The following RAB27B variants were observed in gnomAD, a reference collection of about 807,000 sequenced individuals.
RAB27B encodes the protein ras-related protein Rab-27B.
In RAB27B, 15 loss-of-function variants were observed where a neutral mutation model predicts 24.6. The ratio of observed to expected loss-of-function variants is 0.61; its 90% CI spans 0.41 to 0.94. RAB27B has a LOEUF of 0.94. RAB27B is among the 40% of genes least tolerant of loss of function. The probability of loss-of-function intolerance (pLI) is 0.00; values close to 1 mark genes in which losing one functional copy is unlikely to be tolerated. For synonymous variants in RAB27B, 105 were observed against 92.5 expected (o/e 1.14, Z -0.78); for missense variants, 261 against 266.8 (o/e 0.98, Z 0.15).
chr18:54,877,620 T>G lies in RAB27B; in HGVS notation c.35T>G (p.Leu12Arg). The change falls in exon 2 of 6, where the codon CTC (leucine) becomes CGC (arginine). Residue 12 changes from leucine to arginine, a missense_variant. Transcript: ENST00000262094. ...TDGDYDYLIK[L>R]LALGDSGVGK... is the part of the protein sequence containing the mutation. The stretch of plus-strand genomic sequence containing the variant: ...GGAGACTATGATTATCTGATCAAAC[T>G]CCTGGCCCTCGGGGATTCAGGGGTG... 1.3e-6 allele frequency: 2 copies of G among 1,590,806 alleles called. No homozygotes were observed. Among genetic ancestry groups the G allele is most frequent in the Non-Finnish European group, 1.7e-6 (2 of 1,173,242 alleles).
Position 54,845,421 on chromosome 18 carries a change from A to AAAAG in RAB27B, c.-20+16724_-20+16725insGAAA, listed in dbSNP as rs1394414655. On this transcript the variant is annotated intron_variant, in intron 1 of 5. Coordinates refer to ENST00000262094, the MANE Select transcript of RAB27B (RefSeq NM_004163.4). ...ACTCCATCTCAAAAAAAAAAAAAATAAAATAAAATCTATTTAGGAAGAAAA... is the reference window on the plus strand; with the variant it reads ...ACTCCATCTCAAAAAAAAAAAAAATAAAAGAAATAAAATCTATTTAGGAAGAAAA... Among the ~76,000 whole-genome samples the AAAAG allele has an allele frequency of 4.1e-4, 58 of 141,994 alleles. 5 individuals carry two copies. Among genetic ancestry groups the AAAAG allele is most frequent in the Admixed American group, 3.6e-4 (5 of 13,898 alleles). 93.2% of individuals were successfully genotyped at this position (141,994 alleles called of 152,430 possible).
intron 2 of RAB27B, among the ~76,000 whole-genome samples, chr18:54,790,221 C>G (rs1909206624): frequency 6.6e-6 from 1 of 151,960 alleles, no homozygotes; most frequent in African/African-American, 2.4e-5. Context: ...CTATATCAAA[C>G]TACGTGTGAG....
At chr18:54,799,614 A>ATTTTTTTTTTTT (rs869256244) in intron 2 of RAB27B, among the ~76,000 whole-genome samples, 1 of 67,526 alleles carries the variant, frequency 1.5e-5, no homozygotes, top group Non-Finnish European at 2.6e-5. Flanking sequence ...TAATAAAATG[A>ATTTTTTTTTTTT]TTTTTTTTTT....
At chr18:54,770,877 C>T (rs1353289663) in intron 2 of RAB27B, among the ~76,000 whole-genome samples, 1 of 152,038 alleles carries the variant, frequency 6.6e-6, no homozygotes, top group Non-Finnish European at 1.5e-5. Flanking sequence ...TCATTTGATT[C>T]AATTCAAAAA....
rs75590667 is a variant in RAB27B, at chr18:54,777,429, G to A, written c.-20+59288G>A. On this transcript the variant is annotated intron_variant, in intron 2 of 4. Coordinates refer to the RAB27B transcript ENST00000586570. ...GATCCTTAGAGGGTTAGAAATGGGT[G>A]CAGTATTTCTGCAGCCCAGTGTGCA... Among the ~76,000 whole-genome samples the A allele has an allele frequency of 5.9e-5, 9 of 152,334 alleles. No homozygotes were observed. In the East Asian group the frequency reaches 1.5e-3, roughly 26 times the overall value.
intron 2 of RAB27B, among the ~76,000 whole-genome samples, chr18:54,806,997 C>T (rs558991171): frequency 1.3e-5 from 2 of 152,224 alleles, no homozygotes; most frequent in African/African-American, 2.4e-5. Context: ...ACCAGGAGAA[C>T]TCAAGAGGTT....
chr18:54,722,696 G>A (rs1397105723), intron 2 of RAB27B, among the ~76,000 whole-genome samples: 1 of 152,136 alleles, frequency 6.6e-6, no homozygotes, highest in Non-Finnish European at 1.5e-5. Context: ...CATCTCATAG[G>A]CGTGCAGCCA....
chr18:54,828,310 C>T (rs1044212485), upstream of RAB27B: 2 of 152,248 alleles, frequency 1.3e-5, no homozygotes, highest in African/African-American at 4.8e-5. Context: ...ACTTCATCCC[C>T]GAGAGGAGTG....
At chr18:54,839,554 G>C (rs1911027819) in intron 1 of RAB27B, among the ~76,000 whole-genome samples, 1 of 152,152 alleles carries the variant, frequency 6.6e-6, no homozygotes, top group Admixed American at 6.5e-5. Context: ...CAACAGTTAG[G>C]TCTTCTCCAA....
At chr18:54,778,125 A>G (rs1003896136) in intron 2 of RAB27B, among the ~76,000 whole-genome samples, 1 of 152,214 alleles carries the variant, frequency 6.6e-6, no homozygotes, top group Non-Finnish European at 1.5e-5. Context: ...CTTCTTACCA[A>G]TAAGTCATGT....
intron 2 of RAB27B, among the ~76,000 whole-genome samples, chr18:54,751,492 C>T (rs546459770): frequency 3.3e-5 from 5 of 152,012 alleles, no homozygotes; most frequent in South Asian, 2.1e-4. Flanking sequence ...ATGTAGGAGT[C>T]GGCATATGAG....
At chr18:54,866,577 C>T (rs955437469) in intron 1 of RAB27B, among the ~76,000 whole-genome samples, 7 of 152,236 alleles carry the variant, frequency 4.6e-5, no homozygotes, top group African/African-American at 1.7e-4. Context: ...GGATTACTGG[C>T]GTGACCCACT....
At chr18:54,875,508 T>A (rs1394836549) in intron 1 of RAB27B, among the ~76,000 whole-genome samples, 1 of 150,414 alleles carries the variant, frequency 6.6e-6, no homozygotes, top group African/African-American at 2.4e-5. Flanking sequence ...GTGCTATGGA[T>A]CTCTTCCTAA....
intron 2 of RAB27B, among the ~76,000 whole-genome samples, chr18:54,739,260 G>A (rs1037297130): frequency 4.0e-5 from 6 of 151,850 alleles, no homozygotes; most frequent in Admixed American, 3.3e-4. Context: ...TTTCAGACCA[G>A]CCTGGCCAAC....
At chr18:54,868,480 T>C (rs1912330906) in intron 1 of RAB27B, among the ~76,000 whole-genome samples, 1 of 152,174 alleles carries the variant, frequency 6.6e-6, no homozygotes, top group South Asian at 2.1e-4. Flanking sequence ...GATATTTCTT[T>C]ATAGCAATGC....
chr18:54,764,609 C>G (rs1908300672), intron 2 of RAB27B, among the ~76,000 whole-genome samples: 1 of 152,132 alleles, frequency 6.6e-6, no homozygotes, highest in South Asian at 2.1e-4. Context: ...GGATATTTGT[C>G]ATTATTTCCC....
At chr18:54,734,435 G>A (rs1174009802) in intron 2 of RAB27B, among the ~76,000 whole-genome samples, 1 of 152,140 alleles carries the variant, frequency 6.6e-6, no homozygotes, top group East Asian at 1.9e-4. Flanking sequence ...CTTCAGGCAA[G>A]CACCAAGAAG....
chr18:54,811,185 A>G (rs957788309), intron 2 of RAB27B, among the ~76,000 whole-genome samples: 1 of 152,144 alleles, frequency 6.6e-6, no homozygotes, highest in African/African-American at 2.4e-5. Context: ...GAGGCACACT[A>G]CATAGAGACT....
chr18:54,783,744 G>A (rs931033712), intron 2 of RAB27B, among the ~76,000 whole-genome samples: 2 of 152,154 alleles, frequency 1.3e-5, no homozygotes, highest in South Asian at 4.2e-4. Flanking sequence ...CTTCCCTCTG[G>A]GCATAGGCTT....
Sources: gnomAD v4.1 joint callset for allele counts (sites outside exome capture counted in the v4.1 genomes callset) on GRCh38, gnomAD v4.1.1 for gene constraint, MANE v1.5 for transcripts, NCBI Gene and HGNC (gene_info 2026-07-23, HGNC 2026-07-21) for gene names.